The following DLC1 variants were observed in gnomAD, a reference collection of about 807,000 sequenced individuals.
DLC1 encodes the protein DLC1 Rho GTPase activating protein.
A neutral mutation model predicts 140.3 loss-of-function variants in DLC1; 54 were observed. The observed-to-expected ratio is 0.38, with a 90% CI of 0.31 to 0.48. The LOEUF is 0.48. Among genes scored for constraint, DLC1 ranks in the 20% least tolerant of loss-of-function variants. DLC1 has a pLI of 0.96. For missense variants in DLC1, 2,536 were observed against 1,907.0 expected (o/e 1.33, Z -6.14); for synonymous variants, 986 against 728.1 (o/e 1.35, Z -5.70).
intron 1 of DLC1, among the ~76,000 whole-genome samples, chr8:13,545,106 T>C (rs1563431762): frequency 6.6e-6 from 1 of 152,108 alleles, no homozygotes; most frequent in Non-Finnish European, 1.5e-5. Context: ...TAAAATTAAC[T>C]ATGAATAAAT....
chr8:13,134,437 G>A (rs1822400038), intron 5 of DLC1, among the ~76,000 whole-genome samples: 1 of 152,148 alleles, frequency 6.6e-6, no homozygotes, highest in Non-Finnish European at 1.5e-5. Flanking sequence ...TGGGAAAAAT[G>A]CATAACAAAC....
chr8:13,269,804 TC>T (rs907667819), intron 5 of DLC1, among the ~76,000 whole-genome samples: 50 of 148,104 alleles, frequency 3.4e-4, no homozygotes, highest in Non-Finnish European at 1.0e-4. Flanking sequence ...GTGCCTGTAA[TC>T]CCAGCATTTT....
At chr8:13,212,277 A>G (rs1479514272) in intron 5 of DLC1, among the ~76,000 whole-genome samples, 1 of 152,102 alleles carries the variant, frequency 6.6e-6, no homozygotes, top group Non-Finnish European at 1.5e-5. Flanking sequence ...TGCCCTGTCT[A>G]TATTCCTGAT....
Position 13,178,601 on chromosome 8 carries a change from C to T in DLC1, c.1349-62944G>A, listed in dbSNP as rs572020514. On this transcript the variant is annotated intron_variant, in intron 5 of 17. Transcript: ENST00000276297. ...AAAAAAAAAAAAAAAGATTACTGTTCTATATTAACTTCTATACATCCAAAG... is the reference window on the plus strand; with the variant it reads ...AAAAAAAAAAAAAAAGATTACTGTTTTATATTAACTTCTATACATCCAAAG... Among the ~76,000 whole-genome samples, 427 of 147,604 alleles carry T rather than the reference C, an allele frequency of 2.9e-3. 2 individuals are homozygous for T. Among genetic ancestry groups the T allele is most frequent in the Non-Finnish European group, 4.7e-3 (312 of 66,956 alleles).
chr8:13,388,993 G>T (rs372350450), intron 4 of DLC1, among the ~76,000 whole-genome samples: 1 of 152,144 alleles, frequency 6.6e-6, no homozygotes, highest in East Asian at 1.9e-4. Context: ...TGCTGAGCCT[G>T]TGAATCCCTG....
At chr8:13,317,583 A>G (rs919125704) in intron 4 of DLC1, among the ~76,000 whole-genome samples, 2 of 152,034 alleles carry the variant, frequency 1.3e-5, no homozygotes, top group Non-Finnish European at 2.9e-5. Context: ...TATTTTTTTG[A>G]CCAATATCAC....
At chr8:13,408,375 A>T (rs1008146094) in intron 2 of DLC1, among the ~76,000 whole-genome samples, 50 of 152,224 alleles carry the variant, frequency 3.3e-4, no homozygotes, top group Non-Finnish European at 6.3e-4. Flanking sequence ...TTTATCTGCT[A>T]TTAATCTGCT....
chr8:13,378,344 T>C (rs1396964040), intron 4 of DLC1, among the ~76,000 whole-genome samples: 1 of 151,626 alleles, frequency 6.6e-6, no homozygotes, highest in Non-Finnish European at 1.5e-5. Context: ...CGATAGAATT[T>C]TAAGTTAGTG....
chr8:13,394,548 A>C (rs1193480733), intron 3 of DLC1, among the ~76,000 whole-genome samples: 2 of 152,100 alleles, frequency 1.3e-5, no homozygotes, highest in Non-Finnish European at 2.9e-5. Flanking sequence ...TGCACAGAGG[A>C]AAGGTGGGAG....
At chr8:13,517,418 C>CA (rs1003202532), upstream of DLC1, among the ~76,000 whole-genome samples, 2 of 152,232 alleles carry the variant, frequency 1.3e-5, no homozygotes, top group East Asian at 1.9e-4. Flanking sequence ...CTTTTCTACA[C>CA]AAAAAATACA....
At chr8:13,403,326 G>T (rs896861325) in intron 2 of DLC1, among the ~76,000 whole-genome samples, 1 of 152,100 alleles carries the variant, frequency 6.6e-6, no homozygotes, top group African/African-American at 2.4e-5. Context: ...ACAGAGCTTT[G>T]TTACATTCAA....
At chr8:13,256,708 C>A (rs183809689) in intron 5 of DLC1, among the ~76,000 whole-genome samples, 69 of 152,110 alleles carry the variant, frequency 4.5e-4, no homozygotes, top group African/African-American at 1.5e-3. Flanking sequence ...GAACATCACA[C>A]ACTGGGGCCT....
chr8:13,088,414 G>T, intron 16 of DLC1, 73 bp downstream of exon 16: 1 of 1,503,340 alleles, frequency 6.7e-7, no homozygotes, highest in South Asian at 1.2e-5. Flanking sequence ...CATCTTGTAA[G>T]ATCAGTGACA....
At chr8:13,185,276 C>G (rs1233560690) in intron 5 of DLC1, among the ~76,000 whole-genome samples, 2 of 95,248 alleles carry the variant, frequency 2.1e-5, no homozygotes, top group East Asian at 5.2e-4. Flanking sequence ...CAGTCTGTGT[C>G]TTTTCTGTTT....
chr8:13,283,682 T>A (rs1831445781), intron 5 of DLC1, among the ~76,000 whole-genome samples: 1 of 152,134 alleles, frequency 6.6e-6, no homozygotes, highest in Admixed American at 6.5e-5. Context: ...GCCTGGCTTA[T>A]TTTTTAATGT....
intron 4 of DLC1, among the ~76,000 whole-genome samples, chr8:13,366,724 C>G (rs988882993): frequency 6.6e-6 from 1 of 152,180 alleles, no homozygotes; most frequent in African/African-American, 2.4e-5. Context: ...CCTCTCAGGA[C>G]TCAGTGAAGG....
intron 5 of DLC1, among the ~76,000 whole-genome samples, chr8:13,303,481 A>T (rs187601671): frequency 4.2e-4 from 64 of 152,272 alleles, no homozygotes; most frequent in Admixed American, 1.6e-3. Flanking sequence ...TGGTTACATT[A>T]TATTTATGTT....
At chr8:13,159,279 A>T (rs1442936038) in intron 5 of DLC1, among the ~76,000 whole-genome samples, 13 of 152,178 alleles carry the variant, frequency 8.5e-5, no homozygotes. Context: ...AGAAGCTCCT[A>T]AGTGAGAGTA....
At chr8:13,286,718 GA>G (rs935126414) in intron 5 of DLC1, among the ~76,000 whole-genome samples, 1 of 90,124 alleles carries the variant, frequency 1.1e-5, no homozygotes, top group African/African-American at 4.3e-5. Flanking sequence ...TTTGAAATAG[GA>G]AAAAAAATAG....
Sources: gnomAD v4.1 joint callset for allele counts (sites outside exome capture counted in the v4.1 genomes callset) on GRCh38, gnomAD v4.1.1 for gene constraint, MANE v1.5 for transcripts, NCBI Gene and HGNC (gene_info 2026-07-23, HGNC 2026-07-21) for gene names.